The following RASSF8 variants were observed in gnomAD, a reference collection of about 807,000 sequenced individuals.
RASSF8 encodes the protein ras association domain-containing protein 8.
Under a neutral mutation model 48.5 loss-of-function variants are expected in RASSF8, and 22 were observed. The ratio of observed to expected loss-of-function variants is 0.45; its 90% CI spans 0.32 to 0.65. The LOEUF (loss-of-function observed/expected upper bound fraction) is 0.65, where lower values mean the gene tolerates loss of function less well. RASSF8 is among the 30% of genes least tolerant of loss of function. RASSF8 has a pLI of 0.03. For synonymous variants in RASSF8, 127 were observed against 171.5 expected, an observed-to-expected ratio of 0.74 and a Z score of 2.03; for missense variants, 418 against 489.2, an observed-to-expected ratio of 0.85 and a Z score of 1.37.
chr12:26,048,043 T>C (rs1467712734), intron 2 of RASSF8, among the ~76,000 whole-genome samples: 1 of 152,196 alleles, frequency 6.6e-6, no homozygotes, highest in African/African-American at 2.4e-5. Flanking sequence ...GCAGGAGAGA[T>C]ACCTCCAAGT....
At chr12:26,036,126 A>C (rs948639387) in intron 2 of RASSF8, among the ~76,000 whole-genome samples, 4 of 151,752 alleles carry the variant, frequency 2.6e-5, no homozygotes, top group African/African-American at 9.7e-5. Context: ...GTGATCACTC[A>C]TTCATCTCTT....
intron 1 of RASSF8, among the ~76,000 whole-genome samples, chr12:25,991,734 G>A (rs1174684382): frequency 6.6e-6 from 1 of 152,160 alleles, no homozygotes; most frequent in Non-Finnish European, 1.5e-5. Context: ...AAGCTACCAT[G>A]TCTTTATGTC....
At chr12:25,959,936 A>G (rs527930769) in intron 1 of RASSF8, among the ~76,000 whole-genome samples, 1 of 152,290 alleles carries the variant, frequency 6.6e-6, no homozygotes, top group African/African-American at 2.4e-5. Context: ...TTGCGGGTCA[A>G]TATTGTTGCT....
intron 2 of RASSF8, among the ~76,000 whole-genome samples, chr12:26,018,080 T>C (rs916211054): frequency 1.3e-5 from 2 of 151,874 alleles, no homozygotes; most frequent in Admixed American, 1.3e-4. Context: ...TTTGTTAACA[T>C]TTATTAATAT....
intron 2 of RASSF8, among the ~76,000 whole-genome samples, chr12:26,024,732 G>A (rs1942866197): frequency 1.3e-5 from 2 of 152,132 alleles, no homozygotes; most frequent in African/African-American, 4.8e-5. Context: ...TGAGGCAGGT[G>A]GATCACTAGT....
intron 3 of RASSF8, among the ~76,000 whole-genome samples, chr12:26,056,771 CTT>C (rs905172033): frequency 4.6e-5 from 7 of 152,162 alleles, no homozygotes; most frequent in African/African-American, 1.7e-4. Context: ...CGGTGAAACT[CTT>C]TTTGCATTTG....
At chr12:26,079,009 G>A in intron 5 of RASSF8, 2 of 1,530,594 alleles carry the variant, frequency 1.3e-6, no homozygotes, top group South Asian at 1.3e-5. Flanking sequence ...TTTTGTTGTT[G>A]TGTGTTTCTT....
intron 2 of RASSF8, among the ~76,000 whole-genome samples, chr12:26,008,282 T>A (rs1229225082): frequency 1.3e-5 from 2 of 150,882 alleles, no homozygotes; most frequent in Admixed American, 6.6e-5. Context: ...AAAAAAAAAA[T>A]TATCACTTAA....
intron 2 of RASSF8, among the ~76,000 whole-genome samples, chr12:26,000,982 C>T (rs1198226807): frequency 2.5e-5 from 2 of 81,052 alleles, no homozygotes; most frequent in Non-Finnish European, 4.4e-5. Flanking sequence ...TTAAAATTTC[C>T]TTTTTTTTTT....
intron 1 of RASSF8, among the ~76,000 whole-genome samples, chr12:25,964,817 T>C (rs1354274485): frequency 6.6e-6 from 1 of 152,278 alleles, no homozygotes; most frequent in East Asian, 1.9e-4. Flanking sequence ...TGTTCATTTC[T>C]ATGGGAAGTT....
At chr12:26,032,960 G>T (rs1943059912) in intron 2 of RASSF8, among the ~76,000 whole-genome samples, 1 of 152,190 alleles carries the variant, frequency 6.6e-6, no homozygotes, top group Non-Finnish European at 1.5e-5. Context: ...TCAGTTAAAA[G>T]AAAGAGCTTC....
At chr12:26,031,101 G>T (rs1227359818) in intron 2 of RASSF8, among the ~76,000 whole-genome samples, 1 of 152,096 alleles carries the variant, frequency 6.6e-6, no homozygotes, top group Non-Finnish European at 1.5e-5. Context: ...TTACAGTTAC[G>T]TAATGCCTGA....
chr12:26,044,166 A>T (rs1267528920), intron 2 of RASSF8, among the ~76,000 whole-genome samples: 2 of 152,126 alleles, frequency 1.3e-5, no homozygotes, highest in Non-Finnish European at 2.9e-5. Context: ...TTTGCAGCTC[A>T]CTAAGGCAGG....
At chr12:26,002,471 C>T (rs974153074) in intron 2 of RASSF8, among the ~76,000 whole-genome samples, 51 of 150,638 alleles carry the variant, frequency 3.4e-4, no homozygotes, top group African/African-American at 1.0e-3. Context: ...AGAGTTAATA[C>T]CTGTATTATA....
chr12:26,069,574 G>GT lies in RASSF8; in HGVS notation c.*757dup, dbSNP rs1591822789. 2.0e-6 allele frequency: 2 copies of GT among 985,278 alleles called. No homozygotes were observed. The highest frequency in any genetic ancestry group is 1.1e-4 in the East Asian group (1 of 8,834). The allele number at this position is 985,278 out of a possible 1,614,324, so 61.0% of individuals were successfully genotyped here. A position where few individuals can be genotyped will look rare whatever the true frequency, so the allele number is the denominator to read the frequency against. ...ACACTGTTGAACAAAAATGTAATTG[G>GT]TAAGTATGTATCCAAACAGGCATGG... On this transcript the variant is annotated 3_prime_UTR_variant, in exon 6 of 6. Coordinates refer to ENST00000689635, the MANE Select transcript of RASSF8 (RefSeq NM_001394098.1).
intron 3 of RASSF8, among the ~76,000 whole-genome samples, chr12:26,057,981 A>C (rs1466324611): frequency 1.3e-5 from 2 of 152,126 alleles, no homozygotes; most frequent in Non-Finnish European, 2.9e-5. Context: ...TTGTTTGCAT[A>C]ATCACACTTT....
At position 26,055,293 on chromosome 12, in the gene RASSF8, T is replaced by A; in HGVS notation, c.-51T>A. 2 of 1,456,308 alleles carry A rather than the reference T, an allele frequency of 1.4e-6. No individual in the cohort carries two copies. The highest frequency in any genetic ancestry group is 1.9e-6 in the Non-Finnish European group (2 of 1,036,204). The allele number at this position is 1,456,308 out of a possible 1,614,324, so 90.2% of individuals were successfully genotyped here. ...TGTTCCTGCAGCTAGAGACATGACCTAACACCCTGATGACCACTCTCAGGG... is the reference window on the plus strand; with the variant it reads ...TGTTCCTGCAGCTAGAGACATGACCAAACACCCTGATGACCACTCTCAGGG... On this transcript the variant is annotated 5_prime_UTR_variant, in exon 3 of 6. The change abolishes the stop of an existing upstream ORF in the 5' untranslated region. Coordinates refer to ENST00000689635, the MANE Select transcript of RASSF8 (RefSeq NM_001394098.1).
chr12:26,075,669 A>G (rs1367737555), downstream of RASSF8, among the ~76,000 whole-genome samples: 1 of 152,228 alleles, frequency 6.6e-6, no homozygotes, highest in Non-Finnish European at 1.5e-5. Flanking sequence ...CAAAGTCAAT[A>G]TTTACAAGTC....
intron 1 of RASSF8, among the ~76,000 whole-genome samples, chr12:25,983,055 A>G (rs1322587463): frequency 6.6e-6 from 1 of 152,214 alleles, no homozygotes; most frequent in Non-Finnish European, 1.5e-5. Flanking sequence ...AGAAATTTTA[A>G]TGACAGTCAG....
Sources: gnomAD v4.1 joint callset for allele counts (sites outside exome capture counted in the v4.1 genomes callset) on GRCh38, gnomAD v4.1.1 for gene constraint, MANE v1.5 for transcripts, NCBI Gene and HGNC (gene_info 2026-07-23, HGNC 2026-07-21) for gene names.